The following IKZF4 variants were observed in gnomAD, a reference collection of about 807,000 sequenced individuals.
The protein encoded by IKZF4 is IKAROS family zinc finger 4.
A neutral mutation model predicts 47.7 loss-of-function variants in IKZF4; 11 were observed. The ratio of observed to expected loss-of-function variants is 0.23; its 90% CI spans 0.15 to 0.38. The LOEUF (loss-of-function observed/expected upper bound fraction) is 0.38, where lower values mean the gene tolerates loss of function less well. Among genes scored for constraint, IKZF4 ranks in the 10% least tolerant of loss-of-function variants. The pLI, the probability that IKZF4 is intolerant of heterozygous loss-of-function variation, is 1.00. For missense variants in IKZF4, 557 were observed against 784.9 expected (o/e 0.71, Z 3.47); for synonymous variants, 298 against 299.4 (o/e 1.00, Z 0.05).
chr12:56,034,517 G>A, intron 7 of IKZF4, 54 bp from the exon 8 acceptor site: 5 of 1,510,154 alleles, frequency 3.3e-6, no homozygotes, highest in Non-Finnish European at 4.5e-6. Flanking sequence ...GTAATCCTGA[G>A]GAGAGTGTAG....
At chr12:56,011,770 G>A (rs1196063424) in intron 2 of IKZF4, 4 of 152,182 alleles carry the variant, frequency 2.6e-5, no homozygotes, top group African/African-American at 9.7e-5. Flanking sequence ...GCACTAGGTT[G>A]ACCCTAAAGA....
chr12:56,026,579 C>T (rs1180224749), intron 3 of IKZF4, among the ~76,000 whole-genome samples: 4 of 151,568 alleles, frequency 2.6e-5, no homozygotes, highest in Non-Finnish European at 5.9e-5. Context: ...ATCCCAGCTA[C>T]TCAGGAGGCT....
chr12:56,032,555 C>T lies in IKZF4; in HGVS notation c.716-6C>T, dbSNP rs1565831733. 6.2e-7 allele frequency: 1 copy of T among 1,609,698 alleles called. No individual in the cohort carries two copies. Among genetic ancestry groups the T allele is most frequent in the Non-Finnish European group, 8.5e-7 (1 of 1,178,024 alleles). ...TCTGATGCCATCTTTCCACTCTCCT[C>T]CACAGTCTCCTCTCCCACAGTGGGC... On this transcript the variant is annotated splice_region_variant and splice_polypyrimidine_tract_variant and intron_variant, in intron 5 of 7. Coordinates refer to ENST00000547167, the MANE Select transcript of IKZF4 (RefSeq NM_022465.4).
upstream of IKZF4, among the ~76,000 whole-genome samples, chr12:56,017,680 C>CGA (rs1892296276): frequency 6.6e-6 from 1 of 152,018 alleles, no homozygotes; most frequent in Non-Finnish European, 1.5e-5. Flanking sequence ...TGTTGTCTTT[C>CGA]ACCAGGACAA....
chr12:56,030,575 C>T (rs7958958), intron 5 of IKZF4, among the ~76,000 whole-genome samples: 10,993 of 151,914 alleles, frequency 0.072, 1,339 homozygotes, highest in African/African-American at 0.25. Flanking sequence ...ACTAAAAATA[C>T]AAAATTAGCC....
intron 5 of IKZF4, among the ~76,000 whole-genome samples, chr12:56,028,532 CAAAAAAAAAA>C (rs56380320): frequency 6.2e-4 from 33 of 52,960 alleles, no homozygotes; most frequent in African/African-American, 1.7e-3. Flanking sequence ...CACTCAGTCT[CAAAAAAAAAA>C]AAAAAAAAAA....
rs569074266 is a variant in IKZF4 at position 56,024,231 on chromosome 12, A to T, written c.181+467A>T. Among the ~76,000 whole-genome samples the T allele has an allele frequency of 1.8e-3, 275 of 152,354 alleles. 1 individual carries two copies. The highest frequency in any genetic ancestry group is 6.5e-3 in the African/African-American group (269 of 41,574). On this transcript the variant is annotated intron_variant, in intron 2 of 7. Transcript: ENST00000547167. Reference sequence around the variant, plus strand: ...GTTGATCACTTAACTGTCAATGAATATCAAATAGTAAACACGTGATTGGAA... The same window carrying T: ...GTTGATCACTTAACTGTCAATGAATTTCAAATAGTAAACACGTGATTGGAA...
In IKZF4 at chr12:56,034,624, G is replaced by T. The variant is rs113615341; in HGVS notation, c.1051G>T (p.Gly351Cys). The T allele has an allele frequency of 1.2e-6, 2 of 1,614,004 alleles. No homozygotes were observed. ...LSDLPYDVNS[G>C]GYEKDVELVA... is the part of the protein sequence containing the mutation. Reference sequence around the variant, plus strand: ...AGACCTCCCCTATGATGTGAACTCGGGTGGCTATGAAAAGGATGTGGAGTT... The same window carrying T: ...AGACCTCCCCTATGATGTGAACTCGTGTGGCTATGAAAAGGATGTGGAGTT... The change falls in exon 8 of 8, where the codon GGT (glycine) becomes TGT (cysteine). Residue 351 changes from glycine to cysteine, a missense_variant. Physicochemically the swap from Gly to Cys is radical, Grantham distance 159. Around this residue, in one of 6 missense-constraint regions of IKZF4, gnomAD observed 280 missense variants for 314.0 expected, o/e 0.89. Coordinates refer to ENST00000547167, the MANE Select transcript of IKZF4 (RefSeq NM_022465.4).
At chr12:56,032,111 GT>G (rs756448589) in intron 5 of IKZF4, among the ~76,000 whole-genome samples, 5 of 152,162 alleles carry the variant, frequency 3.3e-5, no homozygotes, top group African/African-American at 7.2e-5. Context: ...AAAGCAGATA[GT>G]TCATAAAAAG....
At chr12:56,024,502 C>T (rs544499874) in intron 2 of IKZF4, among the ~76,000 whole-genome samples, 1 of 152,326 alleles carries the variant, frequency 6.6e-6, no homozygotes, top group South Asian at 2.1e-4. Context: ...TTAGCACCTA[C>T]TTCATATAGT....
At chr12:56,028,154 G>A (rs1275978635) in intron 5 of IKZF4, among the ~76,000 whole-genome samples, 2 of 152,072 alleles carry the variant, frequency 1.3e-5, no homozygotes, top group Admixed American at 1.3e-4. Flanking sequence ...CCTTGATGGG[G>A]TATTTTACAT....
At chr12:56,020,957 C>G (rs1457340580), upstream of IKZF4, 36 of 1,014,690 alleles carry the variant, frequency 3.5e-5, no homozygotes, top group Non-Finnish European at 3.9e-5. Context: ...GCTTCCCCAG[C>G]TGGCAGAGGA....
chr12:56,007,898 A>C (rs1379278636), intron 1 of IKZF4, among the ~76,000 whole-genome samples: 1 of 150,448 alleles, frequency 6.6e-6, no homozygotes, highest in African/African-American at 2.5e-5. Flanking sequence ...GAGGGTTGGA[A>C]GATGGCCGGG....
intron 5 of IKZF4, among the ~76,000 whole-genome samples, chr12:56,029,390 G>A (rs1894558852): frequency 1.3e-5 from 2 of 152,314 alleles, no homozygotes; most frequent in Admixed American, 1.3e-4. Flanking sequence ...GCCAGGAGCT[G>A]AGCTGGCAGG....
intron 1 of IKZF4, among the ~76,000 whole-genome samples, chr12:56,009,641 G>C (rs1353889705): frequency 1.3e-5 from 2 of 152,210 alleles, no homozygotes; most frequent in Non-Finnish European, 2.9e-5. Flanking sequence ...TCTGGGGTGG[G>C]CTTCAGAATG....
rs1300758257 is a variant in IKZF4, at chr12:56,034,562, T to C, written c.998-9T>C. 1 of 1,591,930 alleles carries C rather than the reference T, an allele frequency of 6.3e-7. No homozygotes were observed. Among genetic ancestry groups the C allele is most frequent in the Non-Finnish European group, 8.6e-7 (1 of 1,167,114 alleles). ...AAACCCAGCCCTGCTGAGTTCCTGTTCTCCACAGGCGAAAAGCAGATGCGC... is the reference window on the plus strand; with the variant it reads ...AAACCCAGCCCTGCTGAGTTCCTGTCCTCCACAGGCGAAAAGCAGATGCGC... On this transcript the variant is annotated splice_polypyrimidine_tract_variant and intron_variant, in intron 7 of 7. Coordinates refer to ENST00000547167, the MANE Select transcript of IKZF4 (RefSeq NM_022465.4).
At chr12:56,016,574 A>G (rs2136579066), upstream of IKZF4, among the ~76,000 whole-genome samples, 1 of 151,304 alleles carries the variant, frequency 6.6e-6, no homozygotes, top group East Asian at 2.0e-4. Flanking sequence ...GGCTCATGCC[A>G]CTACCGCCCA....
intron 2 of IKZF4, among the ~76,000 whole-genome samples, chr12:56,014,843 T>C (rs1168449823): frequency 6.6e-6 from 1 of 152,018 alleles, no homozygotes; most frequent in Non-Finnish European, 1.5e-5. Flanking sequence ...ATGAAGGCCT[T>C]GAGTAGCCTG....
At chr12:56,011,995 G>A (rs941973895) in intron 2 of IKZF4, among the ~76,000 whole-genome samples, 13 of 152,166 alleles carry the variant, frequency 8.5e-5, no homozygotes, top group Non-Finnish European at 1.8e-4. Flanking sequence ...AGTAGAGGAT[G>A]ATGCTGTGGG....
Sources: allele counts gnomAD v4.1 joint callset (sites outside exome capture counted in the v4.1 genomes callset), GRCh38; gene constraint gnomAD v4.1.1; regional missense constraint gnomAD v4.1.1; transcripts MANE v1.5; gene names NCBI Gene and HGNC (gene_info 2026-07-23, HGNC 2026-07-21).